The following BUD23 variants were observed in gnomAD, a reference collection of about 807,000 sequenced individuals.
The protein encoded by BUD23 is 18S rRNA (guanine-N(7))-methyltransferase.
BUD23 carries 34 observed loss-of-function variants against 47.0 expected under a neutral mutation model. The observed-to-expected ratio is 0.72, with a 90% CI of 0.55 to 0.96. BUD23 has a LOEUF of 0.96. Ranked by LOEUF, BUD23 falls within the 40% of genes least tolerant of loss-of-function variation. BUD23 has a pLI of 0.00. For missense variants in BUD23, 343 were observed against 361.2 expected, an observed-to-expected ratio of 0.95 and a Z score of 0.41; for synonymous variants, 124 against 132.0, an observed-to-expected ratio of 0.94 and a Z score of 0.41.
intron 5 of BUD23, among the ~76,000 whole-genome samples, chr7:73,687,907 T>TC (rs1463449316): frequency 2.6e-5 from 4 of 151,648 alleles, no homozygotes; most frequent in African/African-American, 9.7e-5. Flanking sequence ...GTTGTTTTTT[T>TC]TTTTTTGAGA....
At chr7:73,691,097 C>T (rs1798178400) in intron 6 of BUD23, 85 bp downstream of exon 6, 1 of 1,223,862 alleles carries the variant, frequency 8.2e-7, no homozygotes, top group Non-Finnish European at 1.2e-6. Context: ...TGAGGTGTCC[C>T]ATGATGGGTA....
chr7:73,687,625 G>A (rs1798028572), intron 5 of BUD23, among the ~76,000 whole-genome samples: 1 of 152,046 alleles, frequency 6.6e-6, no homozygotes. Flanking sequence ...TGTTGCTCAG[G>A]CGATCCACAC....
At chr7:73,693,076 T>G (rs1798254900) in intron 7 of BUD23, 2 of 572,794 alleles carry the variant, frequency 3.5e-6, no homozygotes, top group Non-Finnish European at 6.3e-6. Flanking sequence ...TCCCTAAACT[T>G]GAGTGGGGAG....
At chr7:73,697,760 C>T (rs782748012) in intron 11 of BUD23, 66 bp downstream of exon 11, 425 of 1,609,626 alleles carry the variant, frequency 2.6e-4, no homozygotes, top group Non-Finnish European at 3.5e-4. Context: ...TGAAGAGCTT[C>T]CCTTTATTTG....
chr7:73,687,288 G>A (rs1320287036), intron 5 of BUD23, among the ~76,000 whole-genome samples, 193 bp downstream of exon 5: 1 of 151,818 alleles, frequency 6.6e-6, no homozygotes, highest in Non-Finnish European at 1.5e-5. Context: ...CTAATTTTTT[G>A]TTTTTTTGAG....
rs554135319 is a variant in BUD23, at chr7:73,690,554, T to C, written c.363-362T>C. ...TCTTGGGACTATGGGACATAAATGC[T>C]GTCCTTCTGTATGTCCTATTTTTCC... On this transcript the variant is annotated intron_variant, in intron 5 of 11. Coordinates refer to ENST00000265758, the MANE Select transcript of BUD23 (RefSeq NM_017528.5). Among the ~76,000 whole-genome samples, 10 of 152,358 alleles carry C rather than the reference T, an allele frequency of 6.6e-5. No individual in the cohort carries two copies. The East Asian group carries it at 1.9e-3, about 29-fold the overall frequency.
intron 5 of BUD23, among the ~76,000 whole-genome samples, chr7:73,688,235 C>T (rs1798055292): frequency 6.6e-6 from 1 of 151,910 alleles, no homozygotes; most frequent in South Asian, 2.1e-4. Flanking sequence ...GTAGTCCCAG[C>T]TAGCTACTCA....
intron 10 of BUD23, chr7:73,694,991 C>G (rs1798344599): frequency 6.6e-6 from 1 of 152,286 alleles, no homozygotes; most frequent in Admixed American, 6.5e-5. Context: ...CTCTCTGTTA[C>G]CCAGGCTAGA....
At chr7:73,686,375 CT>C (rs1797966894) in intron 2 of BUD23, among the ~76,000 whole-genome samples, 1 of 152,210 alleles carries the variant, frequency 6.6e-6, no homozygotes, top group South Asian at 2.1e-4. Context: ...TTTTACACAT[CT>C]GCTTGGCAGC....
Position 73,690,882 on chromosome 7 carries a change from G to C in BUD23, c.363-34G>C, listed in dbSNP as rs781960814. ...AGTGGTTGGGGGAGCAACGTGGATT[G>C]CTCCGTTGCCTGACTAGGTCCCTTC... On this transcript the variant is annotated intron_variant, in intron 5 of 11. Coordinates refer to ENST00000265758, the MANE Select transcript of BUD23 (RefSeq NM_017528.5). The C allele has an allele frequency of 3.8e-6, 6 of 1,577,694 alleles. No homozygotes were observed. The African/African-American group carries it at 5.4e-5, about 14-fold the overall frequency.
chr7:73,685,364 A>G (rs1488015025), intron 2 of BUD23, among the ~76,000 whole-genome samples: 3 of 152,182 alleles, frequency 2.0e-5, no homozygotes, highest in African/African-American at 7.2e-5. Context: ...GTGCCATGGC[A>G]TGATCCCTGC....
intron 5 of BUD23, among the ~76,000 whole-genome samples, chr7:73,688,774 G>A (rs2116681304): frequency 6.6e-6 from 1 of 152,324 alleles, no homozygotes; most frequent in Non-Finnish European, 1.5e-5. Flanking sequence ...ATTACTTGCA[G>A]GGGAGACTTC....
chr7:73,683,686 G>A lies in BUD23; in HGVS notation c.48+13G>A, dbSNP rs1336621372. The A allele has an allele frequency of 4.3e-6, 7 of 1,613,688 alleles. No homozygotes were observed. The highest frequency in any genetic ancestry group is 4.2e-6 in the Non-Finnish European group (5 of 1,179,992). The stretch of plus-strand genomic sequence containing the variant: ...ACCCCCAGAGCTGGTAAGTCCCGGG[G>A]CCCGCGGACACCCCTCTCCCCACTT... On this transcript the variant is annotated intron_variant, in intron 1 of 11. Transcript: ENST00000265758.
chr7:73,696,678 A>T (rs1798414134), intron 10 of BUD23: 1 of 152,206 alleles, frequency 6.6e-6, no homozygotes, highest in South Asian at 2.1e-4. Context: ...ACACTTGTTT[A>T]TTTTAAATAA....
chr7:73,693,894 C>T, intron 9 of BUD23, 98 bp from the exon 10 acceptor site: 1 of 1,498,866 alleles, frequency 6.7e-7, no homozygotes. Context: ...GACCTCGTCC[C>T]TGTCGGAAGG....
rs1212650647 is a variant in BUD23, at chr7:73,698,042, TC to T, written c.*159del. On this transcript the variant is annotated 3_prime_UTR_variant, in exon 12 of 12. Transcript: ENST00000265758. Reference sequence around the variant, plus strand: ...CGGGCGTGGTGGCTCACACCTGTAATCCCAGCACCTTGGGAGGCTGAGGTGG... The same window carrying T: ...CGGGCGTGGTGGCTCACACCTGTAATCCAGCACCTTGGGAGGCTGAGGTGG... The T allele has an allele frequency of 1.5e-6, 1 of 672,074 alleles. No individual in the cohort carries two copies. The highest frequency in any genetic ancestry group is 1.9e-5 in the African/African-American group (1 of 52,100). 41.6% of individuals were successfully genotyped at this position (672,074 alleles called of 1,614,324 possible).
rs1438907288 is a variant in BUD23 at position 73,698,136 on chromosome 7, GGAAA to G, written c.*251_*254del. 2.0e-4 allele frequency: 22 copies of G among 109,364 alleles called. No individual in the cohort carries two copies. Among genetic ancestry groups the G allele is most frequent in the East Asian group, 5.5e-4 (3 of 5,418 alleles). 6.8% of individuals were successfully genotyped at this position (109,364 alleles called of 1,614,324 possible). A position where few individuals can be genotyped will look rare whatever the true frequency, so the allele number is the denominator to read the frequency against. On this transcript the variant is annotated 3_prime_UTR_variant, in exon 12 of 12. Transcript: ENST00000265758. The stretch of plus-strand genomic sequence containing the variant: ...CATAATGAAACTTCCTTTCCAGGGA[GGAAA>G]AAAAAAAAAAAAAAAAGCTCTGAGA...
intron 5 of BUD23, among the ~76,000 whole-genome samples, chr7:73,689,372 T>C (rs1361336868): frequency 6.6e-6 from 1 of 151,804 alleles, no homozygotes; most frequent in African/African-American, 2.4e-5. Flanking sequence ...TTTTTAAACA[T>C]TTGCTACATG....
chr7:73,689,389 G>A (rs576693796), intron 5 of BUD23, among the ~76,000 whole-genome samples: 120 of 151,664 alleles, frequency 7.9e-4, no homozygotes, highest in African/African-American at 2.0e-3. Context: ...CATGTAAGGC[G>A]TACAAGGTGC....
Sources: gnomAD v4.1 joint callset for allele counts (sites outside exome capture counted in the v4.1 genomes callset) on GRCh38, gnomAD v4.1.1 for gene constraint, MANE v1.5 for transcripts, NCBI Gene and HGNC (gene_info 2026-07-23, HGNC 2026-07-21) for gene names.